Variants in TGM6 observed in about 807,000 individuals in gnomAD.
TGM6 encodes protein-glutamine gamma-glutamyltransferase 6.
In TGM6, 74 loss-of-function variants were observed where a neutral mutation model predicts 77.5. The ratio of observed to expected loss-of-function variants is 0.96; its 90% confidence interval spans 0.79 to 1.16. The LOEUF is 1.16. Among genes scored for constraint, TGM6 ranks in the 50% most tolerant of loss-of-function variants. The pLI is 0.00. For missense variants in TGM6, 968 were observed against 940.2 expected (o/e 1.03, Z -0.39); for synonymous variants, 383 against 378.9 (o/e 1.01, Z -0.12).
rs1220448075 is a variant in TGM6, at chr20:2,417,545, C to A, written c.1650C>A (p.Ser550=). ...CAGTGGCAGAGATCCTGCATGAATC[C>A]CACGCCGTGAGGCTGGGGCCGCAAG... The part of the protein sequence containing the change: ...RKPVAEILHE[S]HAVRLGPQEE... The change falls in exon 10 of 13, where the codon TCC becomes TCA. Residue 550 remains serine (S), a synonymous_variant. Coordinates refer to ENST00000202625, the MANE Select transcript of TGM6 (RefSeq NM_198994.3). 1.2e-6 allele frequency: 2 copies of A among 1,604,264 alleles called. No homozygotes were observed. The highest frequency in any genetic ancestry group is 2.2e-5 in the East Asian group (1 of 44,852).
chr20:2,430,190 G>A (rs2084915276), intron 10 of TGM6, among the ~76,000 whole-genome samples: 1 of 152,088 alleles, frequency 6.6e-6, no homozygotes, highest in African/African-American at 2.4e-5. Flanking sequence ...TGGTATTGTG[G>A]TAGCTCCCTG....
rs377161331 is a variant in TGM6, at chr20:2,403,843, C to G, written c.1336+20C>G. 2.5e-6 allele frequency: 4 copies of G among 1,613,798 alleles called. No homozygotes were observed. In the African/African-American group the frequency reaches 5.3e-5, roughly 22 times the overall value. ...CGGAAGGTAAGGGCCACATGGCGGC[C>G]TTTATTACCTTCCCCCGGATGGCCC... On this transcript the variant is annotated intron_variant, in intron 9 of 12. Transcript: ENST00000202625.
chr20:2,394,241 T>C (rs1471606727), intron 1 of TGM6, among the ~76,000 whole-genome samples: 1 of 152,068 alleles, frequency 6.6e-6, no homozygotes, highest in African/African-American at 2.4e-5. Context: ...TTGCGGTGAA[T>C]TGAGATCACG....
rs752496668 is a variant in TGM6, at chr20:2,395,232, T to TGGAGC, written c.220_221insGGAGC (p.Phe74TrpfsTer26). On this transcript the variant is annotated frameshift_variant, in exon 3 of 13. Coordinates refer to ENST00000202625, the MANE Select transcript of TGM6 (RefSeq NM_198994.3). LOFTEE classifies it high-confidence loss of function. ...TGAGGCCCTCCACACCAAAGCTGTG[T>TGGAGC]TCCAGACATCGGAGCTGGAGCGGGG... 1.2e-6 allele frequency: 2 copies of TGGAGC among 1,613,918 alleles called. No homozygotes were observed. Among genetic ancestry groups the TGGAGC allele is most frequent in the Admixed American group, 3.3e-5 (2 of 60,008 alleles).
chr20:2,408,562 T>A lies in TGM6; in HGVS notation c.1336+4739T>A, dbSNP rs143037617. 6.8e-3 allele frequency among the ~76,000 whole-genome samples: 1,032 copies of A among 152,292 alleles called. 8 individuals are homozygous for A. The highest frequency in any genetic ancestry group is 0.016 in the South Asian group (76 of 4,826). The stretch of plus-strand genomic sequence containing the variant: ...AACTCCTACAGCAGCATCAACTGCA[T>A]AGTAGGTGCTCAGTACAGATTCACG... On this transcript the variant is annotated intron_variant, in intron 9 of 12. Coordinates refer to ENST00000202625, the MANE Select transcript of TGM6 (RefSeq NM_198994.3).
intron 10 of TGM6, among the ~76,000 whole-genome samples, 185 bp downstream of exon 10, chr20:2,417,758 G>A (rs2084828701): frequency 6.6e-6 from 1 of 152,142 alleles, no homozygotes; most frequent in Non-Finnish European, 1.5e-5. Flanking sequence ...AGACTCGGAG[G>A]GGCAAAACAC....
At chr20:2,422,865 A>C (rs940315120) in intron 10 of TGM6, among the ~76,000 whole-genome samples, 3 of 151,098 alleles carry the variant, frequency 2.0e-5, no homozygotes, top group Non-Finnish European at 1.5e-5. Flanking sequence ...TGGGAGGATC[A>C]CTTGAGCCCG....
At position 2,430,684 on chromosome 20, in the gene TGM6, T is replaced by G. The variant is rs148095030; in HGVS notation, c.1833+84T>G. 1.6e-4 allele frequency: 263 copies of G among 1,604,432 alleles called. No individual in the cohort carries two copies. The African/African-American group carries it at 1.9e-3, about 11-fold the overall frequency. The stretch of plus-strand genomic sequence containing the variant: ...GGGAGGGCGTCAGAAGCTGGGGGGG[T>G]TTGTGCCTTTAACTCCAGCTTTAGC... On this transcript the variant is annotated intron_variant, in intron 11 of 12. Coordinates refer to ENST00000202625, the MANE Select transcript of TGM6 (RefSeq NM_198994.3).
intron 1 of TGM6, among the ~76,000 whole-genome samples, chr20:2,389,596 T>A (rs1474678): frequency 0.12 from 18,871 of 152,208 alleles, 1,500 homozygotes; most frequent in South Asian, 0.32. Context: ...CAACCTGAAA[T>A]TGAATTGACA....
intron 11 of TGM6, 139 bp downstream of exon 11, chr20:2,430,739 T>C: frequency 1.3e-6 from 2 of 1,583,642 alleles, no homozygotes; most frequent in East Asian, 2.2e-5. Flanking sequence ...GGGTTGGACA[T>C]AAGGGGATGG....
At chr20:2,419,126 T>C (rs2084839109) in intron 10 of TGM6, among the ~76,000 whole-genome samples, 1 of 152,224 alleles carries the variant, frequency 6.6e-6, no homozygotes, top group Admixed American at 6.5e-5. Flanking sequence ...TCTGTCTTTT[T>C]GCCGGTATCT....
rs751875024 is a variant in TGM6, at chr20:2,395,479, A to T, written c.424+43A>T. On this transcript the variant is annotated intron_variant, in intron 3 of 12. Transcript: ENST00000202625. ...CAATGCAGAGGTTTTTCCAAAAGAC[A>T]TCCTTAGAGGAGAGCCTGCCCTTGG... The T allele has an allele frequency of 3.1e-6, 5 of 1,614,024 alleles. No homozygotes were observed. The African/African-American group carries it at 6.7e-5, about 22-fold the overall frequency.
chr20:2,394,919 C>A (rs1342807528), intron 2 of TGM6, among the ~76,000 whole-genome samples: 3 of 152,176 alleles, frequency 2.0e-5, no homozygotes, highest in Non-Finnish European at 2.9e-5. Flanking sequence ...GAAGCCCAAG[C>A]TTTTCTTTCC....
At position 2,400,348 on chromosome 20, in the gene TGM6, T is replaced by C; in HGVS notation, c.893T>C (p.Phe298Ser). 6.2e-7 allele frequency: 1 copy of C among 1,614,136 alleles called. No homozygotes were observed. The highest frequency in any genetic ancestry group is 8.5e-7 in the Non-Finnish European group (1 of 1,180,024). The stretch of plus-strand genomic sequence containing the variant: ...ATAGCCACACGGGTCGTGTCCAACT[T>C]CAACTCAGCCCACGACACAGACCAG... ...LGIATRVVSN[F>S]NSAHDTDQNL... is the part of the protein sequence containing the mutation. Residue 298 changes from phenylalanine (F) to serine (S), a missense_variant, in exon 7 of 13, where the codon TTC (phenylalanine) becomes TCC (serine). Coordinates refer to ENST00000202625, the MANE Select transcript of TGM6 (RefSeq NM_198994.3).
intron 10 of TGM6, among the ~76,000 whole-genome samples, chr20:2,419,784 G>A (rs1327934427): frequency 6.6e-6 from 1 of 152,010 alleles, no homozygotes; most frequent in African/African-American, 2.4e-5. Flanking sequence ...TAAATATATG[G>A]TGACCTATGT....
rs749630878 is a variant in TGM6, at chr20:2,431,047, G to A, written c.1967+20G>A. 3.7e-6 allele frequency: 6 copies of A among 1,612,708 alleles called. No individual in the cohort carries two copies. Among genetic ancestry groups the A allele is most frequent in the Middle Eastern group, 1.7e-4 (1 of 6,056 alleles). On this transcript the variant is annotated intron_variant, in intron 12 of 12. Coordinates refer to ENST00000202625, the MANE Select transcript of TGM6 (RefSeq NM_198994.3). ...CATCGAGTAAGTGCCAGCCTGGGGG[G>A]CTGGCAGGGAATGGGGCTCTCTTCC...
intron 7 of TGM6, among the ~76,000 whole-genome samples, chr20:2,402,874 C>G (rs796770080): frequency 4.6e-5 from 7 of 152,334 alleles, no homozygotes; most frequent in African/African-American, 1.7e-4. Context: ...ACACACAAGG[C>G]CTTTTCTTGT....
rs764934493 is a variant in TGM6 at position 2,430,902 on chromosome 20, C to T, written c.1842C>T (p.Gly614=). 4.3e-6 allele frequency: 7 copies of T among 1,614,098 alleles called. No individual in the cohort carries two copies. The highest frequency in any genetic ancestry group is 1.7e-5 in the Admixed American group (1 of 60,028). ...LEDFITIKVL[G]PAMVGVAVTV... The stretch of plus-strand genomic sequence containing the variant: ...GGTGTTGTCCCCTTCAGGTTCTGGG[C>T]CCAGCCATGGTGGGAGTGGCAGTTA... Residue 614 remains glycine, a synonymous_variant, in exon 12 of 13, where the codon GGC becomes GGT. Transcript: ENST00000202625.
chr20:2,403,262 G>A (rs1194828410), intron 7 of TGM6, 135 bp from the exon 8 acceptor site: 8 of 838,978 alleles, frequency 9.5e-6, no homozygotes, highest in Non-Finnish European at 1.4e-5. Context: ...TCATTCATGT[G>A]GTTGAATGAG....
Sources: gnomAD v4.1 joint callset for allele counts (sites outside exome capture counted in the v4.1 genomes callset) on GRCh38, gnomAD v4.1.1 for gene constraint, MANE v1.5 for transcripts, NCBI Gene and HGNC (gene_info 2026-07-23, HGNC 2026-07-21) for gene names.